MYO19: variants seen among roughly 807,000 people sequenced by gnomAD.
MYO19 encodes unconventional myosin-XIX.
Under a neutral mutation model 129.2 loss-of-function variants are expected in MYO19, and 132 were observed. The observed-to-expected ratio is 1.02, with a 90% CI of 0.89 to 1.18. The LOEUF (loss-of-function observed/expected upper bound fraction) is 1.18, where lower values mean the gene tolerates loss of function less well. Ranked by LOEUF, MYO19 falls within the 50% of genes most tolerant of loss-of-function variation. The pLI, the probability that MYO19 is intolerant of heterozygous loss-of-function variation, is 0.00. For synonymous variants in MYO19, 531 were observed against 477.2 expected, an observed-to-expected ratio of 1.11 and a Z score of -1.47; for missense variants, 1,210 against 1,216.7, an observed-to-expected ratio of 0.99 and a Z score of 0.08.
At position 36,500,658 on chromosome 17, in the gene MYO19, G is replaced by A. The variant is rs964965643; in HGVS notation, c.2377+172C>T. The A allele has an allele frequency of 7.9e-6, 7 of 888,712 alleles. No homozygotes were observed. In the African/African-American group the frequency reaches 1.0e-4, roughly 13 times the overall value. 55.1% of individuals were successfully genotyped at this position (888,712 alleles called of 1,614,324 possible). ...GTGACTTGGTTTCCATTGAACTGGA[G>A]AGACGTTATGAGTGAGGGGGACAGG... On this transcript the variant is annotated intron_variant, in intron 23 of 25. Transcript: ENST00000614623.
rs1239536373 is a variant in MYO19, at chr17:36,503,208, C to T, written c.1977-8G>A. 1.2e-6 allele frequency: 2 copies of T among 1,608,448 alleles called. No homozygotes were observed. Among genetic ancestry groups the T allele is most frequent in the South Asian group, 2.2e-5 (2 of 90,966 alleles). On this transcript the variant is annotated splice_region_variant and splice_polypyrimidine_tract_variant and intron_variant, in intron 20 of 25. Transcript: ENST00000614623. ...AAGTTTCGGTGAGAGACCCTGGAGG[C>T]CAAAGCAGGCAGAAGTAGAGAATTA...
At chr17:36,518,965 T>A (rs2072978747) in intron 6 of MYO19, among the ~76,000 whole-genome samples, 1 of 152,188 alleles carries the variant, frequency 6.6e-6, no homozygotes. Flanking sequence ...ATAGTTTGTA[T>A]CATTTTAATC....
intron 23 of MYO19, 106 bp from the exon 24 acceptor site, chr17:36,499,266 G>GTTT (rs111268012): frequency 1.4e-5 from 8 of 554,110 alleles, no homozygotes; most frequent in East Asian, 3.9e-5. Flanking sequence ...TTTCAAATAC[G>GTTT]TTTTTTTTTT....
chr17:36,531,256 G>A lies in MYO19; in HGVS notation c.12+1271C>T, dbSNP rs192246084. The stretch of plus-strand genomic sequence containing the variant: ...AAAAAATACAAAAAATTAGCCAGGC[G>A]TGGTGGCCAGCACCAGTAGTCCCAA... On this transcript the variant is annotated intron_variant, in intron 3 of 25. Transcript: ENST00000614623. Among the ~76,000 whole-genome samples, 97 of 151,756 alleles carry A rather than the reference G, an allele frequency of 6.4e-4. 1 individual carries two copies. Among genetic ancestry groups the A allele is most frequent in the African/African-American group, 2.1e-3 (89 of 41,400 alleles).
At chr17:36,498,956 G>A (rs1167417339) in intron 24 of MYO19, 119 bp downstream of exon 24, 17 of 752,494 alleles carry the variant, frequency 2.3e-5, no homozygotes, top group Non-Finnish European at 3.1e-5. Flanking sequence ...GCTCAGAGAG[G>A]CTAAACAACC....
rs2071785629 is a variant in MYO19 at position 36,505,103 on chromosome 17, A to G, written c.1905+194T>C. 3.9e-5 allele frequency: 30 copies of G among 761,520 alleles called. No homozygotes were observed. In the South Asian group the frequency reaches 4.1e-4, roughly 10 times the overall value. The allele number at this position is 761,520 out of a possible 1,614,324, so 47.2% of individuals were successfully genotyped here. ...TGGAACTTGCCTCCCTGGCTAGGCT[A>G]CTATGCACAGACCACACAACCATAC... On this transcript the variant is annotated intron_variant, in intron 19 of 25. Transcript: ENST00000614623.
chr17:36,516,372 T>C (rs561657874), intron 6 of MYO19, among the ~76,000 whole-genome samples: 1 of 152,212 alleles, frequency 6.6e-6, no homozygotes, highest in South Asian at 2.1e-4. Flanking sequence ...ACCCAAGCAG[T>C]CTAACTTTTT....
In MYO19 at chr17:36,506,931, G is replaced by A. The variant is rs1474864170; in HGVS notation, c.1644+32C>T. 12 of 1,526,742 alleles carry A rather than the reference G, an allele frequency of 7.9e-6. No homozygotes were observed. The highest frequency in any genetic ancestry group is 1.7e-4 in the Middle Eastern group (1 of 5,752). 94.6% of individuals were successfully genotyped at this position (1,526,742 alleles called of 1,614,324 possible). On this transcript the variant is annotated intron_variant, in intron 17 of 25. Coordinates refer to ENST00000614623, the MANE Select transcript of MYO19 (RefSeq NM_001163735.2). ...GCAAAGACCCAGCATCTCGTTTCTC[G>A]CAGGCCCCACAGGGCATGGCCCAGC...
Position 36,503,937 on chromosome 17 carries a change from C to T in MYO19, c.1976+13G>A, listed in dbSNP as rs759484881. 5.1e-6 allele frequency: 8 copies of T among 1,580,494 alleles called. No individual in the cohort carries two copies. Among genetic ancestry groups the T allele is most frequent in the East Asian group, 2.3e-5 (1 of 43,270 alleles). ...TACTGGCCCTGCACTGTGCCGTGATCGAGCCCACTCACCGGATGGGGAAGC... is the reference window on the plus strand; with the variant it reads ...TACTGGCCCTGCACTGTGCCGTGATTGAGCCCACTCACCGGATGGGGAAGC... On this transcript the variant is annotated intron_variant, in intron 20 of 25. Coordinates refer to ENST00000614623, the MANE Select transcript of MYO19 (RefSeq NM_001163735.2).
chr17:36,541,860 A>G lies in MYO19; in HGVS notation n.395+221T>C, dbSNP rs529121434. 3.7e-4 allele frequency among the ~76,000 whole-genome samples: 56 copies of G among 152,382 alleles called. 1 individual carries two copies. Among genetic ancestry groups the G allele is most frequent in the African/African-American group, 1.3e-3 (54 of 41,594 alleles). On this transcript the variant is annotated intron_variant and non_coding_transcript_variant, in intron 2 of 2. Transcript: ENST00000610496. ...AGTACTGGTGGTTATGGCTAAAAAT[A>G]GAGCAATAGTGAAAATAAAAATAAG...
chr17:36,498,818 C>T (rs1304115241), intron 24 of MYO19: 2 of 594,380 alleles, frequency 3.4e-6, no homozygotes, highest in African/African-American at 3.7e-5. Flanking sequence ...TGCCATAAAA[C>T]CCAGTCTTCT....
In MYO19 at chr17:36,499,155, G is replaced by A. The variant is rs202233279; in HGVS notation, c.2383C>T (p.Arg795Cys). Residue 795 changes from arginine to cysteine, a missense_variant, in exon 24 of 26, where the codon CGT (arginine) becomes TGT (cysteine). Coordinates refer to ENST00000614623, the MANE Select transcript of MYO19 (RefSeq NM_001163735.2). ...RAVMLIQAAIRSWLTRKHIQR... is the reference protein window; with the variant it reads ...RAVMLIQAAICSWLTRKHIQR... ...ATGTGTTTCCGAGTTAACCAGGAAC[G>A]AATGGCTAAGAGGTTTGCCCAGAAA... The A allele has an allele frequency of 5.3e-4, 850 of 1,602,812 alleles. 7 individuals are homozygous for A. Among genetic ancestry groups the A allele is most frequent in the African/African-American group, 9.6e-4 (72 of 74,928 alleles).
chr17:36,534,541 G>A (rs1599459755), intron 1 of MYO19: 4 of 152,360 alleles, frequency 2.6e-5, no homozygotes, highest in South Asian at 4.1e-4. Context: ...AAAGGTGGAG[G>A]GTGATCAAGA....
intron 23 of MYO19, chr17:36,499,654 C>CTTTTTTTTTTTT (rs1260911885): frequency 1.4e-5 from 1 of 73,090 alleles, no homozygotes; most frequent in African/African-American, 6.0e-5. Flanking sequence ...TATTCTTTTT[C>CTTTTTTTTTTTT]TTTTTGTTTC....
chr17:36,511,310 C>A, intron 12 of MYO19, 55 bp downstream of exon 12: 8 of 1,531,068 alleles, frequency 5.2e-6, no homozygotes, highest in Non-Finnish European at 6.2e-6. Context: ...CCAACCCCAG[C>A]AATGCTGGCT....
At chr17:36,512,457 C>T (rs1454904929) in intron 11 of MYO19, among the ~76,000 whole-genome samples, 1 of 152,108 alleles carries the variant, frequency 6.6e-6, no homozygotes, top group Non-Finnish European at 1.5e-5. Context: ...CCCACCATTC[C>T]TATATGGTCC....
Position 36,497,653 on chromosome 17 carries a change from C to T in MYO19, c.2757+613G>A, listed in dbSNP as rs1372893941. ...AGGCTGGAGTGCAGCGGCGCAATCT[C>T]GGCTCACTGCAACCTCTCCCTCCCA... On this transcript the variant is annotated intron_variant, in intron 25 of 25. Coordinates refer to ENST00000614623, the MANE Select transcript of MYO19 (RefSeq NM_001163735.2). 6 of 522,326 alleles carry T rather than the reference C, an allele frequency of 1.1e-5. No homozygotes were observed. The East Asian group carries it at 7.5e-4, about 65-fold the overall frequency. The allele number at this position is 522,326 out of a possible 1,614,324, so 32.4% of individuals were successfully genotyped here. A position where few individuals can be genotyped will look rare whatever the true frequency, so the allele number is the denominator to read the frequency against.
intron 21 of MYO19, chr17:36,502,841 C>T: frequency 1.8e-6 from 1 of 545,212 alleles, no homozygotes; most frequent in South Asian, 2.3e-5. Context: ...CCAATTTATT[C>T]TCAGATACTA....
In MYO19 at chr17:36,514,553, G is replaced by C; in HGVS notation, c.618-5C>G. The C allele has an allele frequency of 6.3e-7, 1 of 1,595,616 alleles. No individual in the cohort carries two copies. The highest frequency in any genetic ancestry group is 8.6e-7 in the Non-Finnish European group (1 of 1,163,178). On this transcript the variant is annotated splice_polypyrimidine_tract_variant and splice_region_variant and intron_variant, in intron 8 of 25. Coordinates refer to ENST00000614623, the MANE Select transcript of MYO19 (RefSeq NM_001163735.2). Reference sequence around the variant, plus strand: ...GCTCCAGTCATTTGCTGAGCCCTGGGACACACACAGGCCAGAGCCCGTTAG... The same window carrying C: ...GCTCCAGTCATTTGCTGAGCCCTGGCACACACACAGGCCAGAGCCCGTTAG...
Sources: allele counts gnomAD v4.1 joint callset (sites outside exome capture counted in the v4.1 genomes callset), GRCh38; gene constraint gnomAD v4.1.1; transcripts MANE v1.5; gene names NCBI Gene and HGNC (gene_info 2026-07-23, HGNC 2026-07-21).